Variants in UNC5C observed in about 807,000 individuals in gnomAD.
The protein encoded by UNC5C is netrin receptor UNC5C.
UNC5C carries 47 observed loss-of-function variants against 99.8 expected under a neutral mutation model. The observed-to-expected ratio is 0.47, with a 90% CI of 0.37 to 0.60. UNC5C has a LOEUF of 0.60. UNC5C is among the 20% of genes least tolerant of loss of function. The pLI, the probability that UNC5C is intolerant of heterozygous loss-of-function variation, is 0.00. For missense variants in UNC5C, 1,062 were observed against 1,165.9 expected, an observed-to-expected ratio of 0.91 and a Z score of 1.30; for synonymous variants, 487 against 452.2, an observed-to-expected ratio of 1.08 and a Z score of -0.98.
At chr4:95,306,026 T>G (rs1161876154) in intron 2 of UNC5C, among the ~76,000 whole-genome samples, 1 of 152,138 alleles carries the variant, frequency 6.6e-6, no homozygotes, top group African/African-American at 2.4e-5. Context: ...TTAATCCAAT[T>G]AAATGATTAC....
At chr4:95,533,211 C>T (rs537602977) in intron 1 of UNC5C, among the ~76,000 whole-genome samples, 3 of 152,100 alleles carry the variant, frequency 2.0e-5, no homozygotes, top group African/African-American at 7.2e-5. Flanking sequence ...GCCTGACCAA[C>T]ATGGTAAAAC....
intron 1 of UNC5C, among the ~76,000 whole-genome samples, chr4:95,469,651 A>C (rs1408280602): frequency 1.3e-5 from 2 of 152,138 alleles, no homozygotes; most frequent in Non-Finnish European, 1.5e-5. Context: ...TGCAGGCCTC[A>C]AGCTATGGTA....
At chr4:95,424,945 A>G (rs906577097) in intron 1 of UNC5C, among the ~76,000 whole-genome samples, 51 of 152,172 alleles carry the variant, frequency 3.4e-4, no homozygotes, top group African/African-American at 1.1e-3. Flanking sequence ...CCGGAAGGGA[A>G]AGGACCGGAC....
chr4:95,293,364 G>A lies in UNC5C; in HGVS notation c.490+8242C>T, dbSNP rs142998120. 9.9e-3 allele frequency among the ~76,000 whole-genome samples: 1,263 copies of A among 127,270 alleles called. 17 individuals carry two copies. The highest frequency in any genetic ancestry group is 0.036 in the African/African-American group (1,210 of 33,690). The allele number at this position is 127,270 out of a possible 152,430, so 83.5% of individuals were successfully genotyped here. On this transcript the variant is annotated intron_variant, in intron 3 of 15. Coordinates refer to ENST00000453304, the MANE Select transcript of UNC5C (RefSeq NM_003728.4). Reference sequence around the variant, plus strand: ...GTCACCCAGGCTGGAGTACAGTGGTGTGATCATGGCTCACTGCAGCCTTGA... The same window carrying A: ...GTCACCCAGGCTGGAGTACAGTGGTATGATCATGGCTCACTGCAGCCTTGA...
At chr4:95,262,086 A>G (rs1323223047) in intron 4 of UNC5C, among the ~76,000 whole-genome samples, 1 of 152,198 alleles carries the variant, frequency 6.6e-6, no homozygotes, top group African/African-American at 2.4e-5. Flanking sequence ...AAATCTTGCC[A>G]TCATATATTA....
At chr4:95,271,491 A>G (rs1287550258) in intron 4 of UNC5C, among the ~76,000 whole-genome samples, 1 of 152,004 alleles carries the variant, frequency 6.6e-6, no homozygotes, top group South Asian at 2.1e-4. Flanking sequence ...GGCCTACCAA[A>G]GTGCTGGGAT....
intron 1 of UNC5C, among the ~76,000 whole-genome samples, chr4:95,390,016 T>G (rs1745311721): frequency 6.6e-6 from 1 of 152,282 alleles, no homozygotes; most frequent in East Asian, 1.9e-4. Flanking sequence ...TTAATTGTCT[T>G]GAAAATAGTG....
At chr4:95,295,291 G>GAATTCTCTCA (rs1366983406) in intron 3 of UNC5C, among the ~76,000 whole-genome samples, 1 of 152,168 alleles carries the variant, frequency 6.6e-6, no homozygotes, top group East Asian at 1.9e-4. Context: ...GTGGCAACTT[G>GAATTCTCTCA]AATTCTCTCA....
At chr4:95,505,258 CAA>C in intron 1 of UNC5C, among the ~76,000 whole-genome samples, 1 of 152,042 alleles carries the variant, frequency 6.6e-6, no homozygotes, top group Non-Finnish European at 1.5e-5. Context: ...ACTAGGCAAA[CAA>C]GAGGCCAATT....
In UNC5C at chr4:95,540,584, C is replaced by T. The variant is rs114042696; in HGVS notation, c.124+8150G>A. On this transcript the variant is annotated intron_variant, in intron 1 of 15. Transcript: ENST00000453304. ...AAGTTGCTAAATAAAATGACAGGCA[C>T]CATAATCAATGTTTCATTTAGAATG... 8.2e-3 allele frequency among the ~76,000 whole-genome samples: 1,244 copies of T among 152,252 alleles called. 13 individuals carry two copies. The highest frequency in any genetic ancestry group is 0.027 in the African/African-American group (1,122 of 41,536).
intron 3 of UNC5C, among the ~76,000 whole-genome samples, chr4:95,294,652 A>G (rs1741608918): frequency 6.6e-6 from 1 of 152,216 alleles, no homozygotes; most frequent in Non-Finnish European, 1.5e-5. Context: ...GAATCAGCAG[A>G]GAATTTCAAC....
chr4:95,326,941 T>G (rs1373500857), intron 2 of UNC5C, among the ~76,000 whole-genome samples: 7 of 152,214 alleles, frequency 4.6e-5, no homozygotes, highest in African/African-American at 1.7e-4. Flanking sequence ...CTAAATATGA[T>G]TATAAGTCAG....
At chr4:95,499,451 C>G (rs1721714006) in intron 1 of UNC5C, among the ~76,000 whole-genome samples, 1 of 152,090 alleles carries the variant, frequency 6.6e-6, no homozygotes, top group African/African-American at 2.4e-5. Context: ...CTGTGGGAAA[C>G]CCCAGTGATA....
chr4:95,432,118 T>G (rs1746651540), intron 1 of UNC5C, among the ~76,000 whole-genome samples: 1 of 152,124 alleles, frequency 6.6e-6, no homozygotes. Context: ...GACCCTCAAG[T>G]TTGGTTCTCC....
chr4:95,276,585 G>A (rs1192810080), intron 4 of UNC5C, among the ~76,000 whole-genome samples: 3 of 152,138 alleles, frequency 2.0e-5, no homozygotes, highest in Admixed American at 2.0e-4. Flanking sequence ...CTCATGATCT[G>A]TTTTGGGTTT....
chr4:95,395,645 C>A (rs984568064), intron 1 of UNC5C, among the ~76,000 whole-genome samples: 3 of 152,074 alleles, frequency 2.0e-5, no homozygotes, highest in East Asian at 1.9e-4. Context: ...AGTTTCTAGT[C>A]CTGACTTTTG....
At chr4:95,345,573 T>G (rs966406884) in intron 1 of UNC5C, among the ~76,000 whole-genome samples, 9 of 152,008 alleles carry the variant, frequency 5.9e-5, no homozygotes, top group Non-Finnish European at 1.3e-4. Context: ...CTTCAGCACA[T>G]AGATCATTCT....
intron 12 of UNC5C, among the ~76,000 whole-genome samples, chr4:95,201,795 G>A (rs560386149): frequency 1.6e-3 from 249 of 152,040 alleles, no homozygotes; most frequent in African/African-American, 5.6e-3. Flanking sequence ...TAGTAGAGAC[G>A]GGGTTTCACC....
Position 95,242,433 on chromosome 4 carries a change from C to T in UNC5C, c.1104G>A (p.Met368Ile). The T allele has an allele frequency of 6.2e-7, 1 of 1,614,128 alleles. No homozygotes were observed. Among genetic ancestry groups the T allele is most frequent in the South Asian group, 1.1e-5 (1 of 91,082 alleles). Residue 368 changes from methionine to isoleucine, a missense_variant, in exon 7 of 16, where the codon ATG becomes ATA. This residue lies in a region of UNC5C where 810 missense variants were observed against 854.5 expected (regional missense o/e 0.95). Coordinates refer to ENST00000453304, the MANE Select transcript of UNC5C (RefSeq NM_003728.4). ...QSKNCTDGLCMQTAPDSDDVA... is the reference protein window; with the variant it reads ...QSKNCTDGLCIQTAPDSDDVA... The stretch of plus-strand genomic sequence containing the variant: ...AGTTTGCTTAAATTGACTTACTCTG[C>T]ATGCAAAGCCCATCAGTGCAGTTCT...
Sources: allele counts gnomAD v4.1 joint callset (sites outside exome capture counted in the v4.1 genomes callset), GRCh38; gene constraint gnomAD v4.1.1; regional missense constraint gnomAD v4.1.1; transcripts MANE v1.5; gene names NCBI Gene and HGNC (gene_info 2026-07-23, HGNC 2026-07-21).